The following OSBPL8 variants were observed in gnomAD, a reference collection of about 807,000 sequenced individuals.
OSBPL8 encodes oxysterol-binding protein-related protein 8.
In OSBPL8, 59 loss-of-function variants were observed where a neutral mutation model predicts 125.5. The observed-to-expected ratio is 0.47, with a 90% CI of 0.38 to 0.58. OSBPL8 has a LOEUF of 0.58. Among genes scored for constraint, OSBPL8 ranks in the 20% least tolerant of loss-of-function variants. The pLI is 0.00. For synonymous variants in OSBPL8, 330 were observed against 338.9 expected (o/e 0.97, Z 0.29); for missense variants, 758 against 1,047.8 (o/e 0.72, Z 3.82).
At chr12:76,506,261 C>G (rs923264835) in intron 1 of OSBPL8, among the ~76,000 whole-genome samples, 1 of 152,128 alleles carries the variant, frequency 6.6e-6, no homozygotes, top group African/African-American at 2.4e-5. Flanking sequence ...ATCAGGAGCT[C>G]CTTTTGGACT....
rs35319213 is a variant in OSBPL8, at chr12:76,418,010, C to CTTTTT, written c.218-7381_218-7377dup. ...CAGAAAATTATATGATTTTCACTACCTTTTTTTTTTTTTTTTTTTTTTGAG... is the reference window on the plus strand; with the variant it reads ...CAGAAAATTATATGATTTTCACTACCTTTTTTTTTTTTTTTTTTTTTTTTTTTGAG... On this transcript the variant is annotated intron_variant, in intron 4 of 23. Transcript: ENST00000261183. 3.3e-3 allele frequency among the ~76,000 whole-genome samples: 366 copies of CTTTTT among 111,552 alleles called. 1 individual carries two copies. Among genetic ancestry groups the CTTTTT allele is most frequent in the Middle Eastern group, 6.3e-3 (1 of 158 alleles). The allele number at this position is 111,552 out of a possible 152,430, so 73.2% of individuals were successfully genotyped here. A position where few individuals can be genotyped will look rare whatever the true frequency, so the allele number is the denominator to read the frequency against.
chr12:76,453,816 C>T (rs1232877783), intron 3 of OSBPL8, among the ~76,000 whole-genome samples: 1 of 151,610 alleles, frequency 6.6e-6, no homozygotes, highest in Non-Finnish European at 1.5e-5. Flanking sequence ...AAGGTTGGTA[C>T]CTAGAATGTT....
intron 21 of OSBPL8, among the ~76,000 whole-genome samples, chr12:76,359,157 G>A (rs2136131022): frequency 6.6e-6 from 1 of 152,150 alleles, no homozygotes; most frequent in Non-Finnish European, 1.5e-5. Context: ...ACCTCTGACT[G>A]CACCAGCTAT....
chr12:76,379,872 C>T (rs1035880451), intron 15 of OSBPL8, among the ~76,000 whole-genome samples: 26 of 152,082 alleles, frequency 1.7e-4, no homozygotes, highest in African/African-American at 6.0e-4. Flanking sequence ...TGGGCAAATA[C>T]CTAGGAGTGG....
chr12:76,421,553 AT>A, intron 4 of OSBPL8, among the ~76,000 whole-genome samples: 1 of 152,112 alleles, frequency 6.6e-6, no homozygotes, highest in Non-Finnish European at 1.5e-5. Context: ...ACTTATCAAC[AT>A]GAATATTCAG....
Position 76,439,224 on chromosome 12 carries a change from C to A in OSBPL8, c.217+11627G>T, listed in dbSNP as rs775605259. On this transcript the variant is annotated intron_variant, in intron 4 of 23. Coordinates refer to ENST00000261183, the MANE Select transcript of OSBPL8 (RefSeq NM_020841.5). The stretch of plus-strand genomic sequence containing the variant: ...TGAAACCCCATCTTTACTAAAAATA[C>A]AAAAATTAGCTGGGCATGGTGGCGC... Among the ~76,000 whole-genome samples, 630 of 152,078 alleles carry A rather than the reference C, an allele frequency of 4.1e-3. 2 individuals are homozygous for A. Among genetic ancestry groups the A allele is most frequent in the Middle Eastern group, 0.034 (10 of 294 alleles).
At chr12:76,402,806 A>AT in intron 5 of OSBPL8, 40 bp from the exon 6 acceptor site, 1 of 1,297,986 alleles carries the variant, frequency 7.7e-7, no homozygotes, top group Non-Finnish European at 1.1e-6. Context: ...AATCCTTCAG[A>AT]TTTTCTACAC....
chr12:76,366,571 C>A (rs758124038), intron 21 of OSBPL8: 3 of 447,908 alleles, frequency 6.7e-6, no homozygotes, highest in East Asian at 7.0e-5. Flanking sequence ...TTATTTTCTT[C>A]TTCTGCTAGC....
At chr12:76,498,373 T>C (rs1280933312) in intron 1 of OSBPL8, among the ~76,000 whole-genome samples, 1 of 152,214 alleles carries the variant, frequency 6.6e-6, no homozygotes, top group Non-Finnish European at 1.5e-5. Context: ...CTTGAAACTA[T>C]GGATGCAACA....
intron 1 of OSBPL8, among the ~76,000 whole-genome samples, chr12:76,505,436 AC>A (rs1880313235): frequency 6.6e-6 from 1 of 152,132 alleles, no homozygotes; most frequent in African/African-American, 2.4e-5. Flanking sequence ...TGCTTGAAGT[AC>A]CTGTAGTAAT....
At chr12:76,454,934 G>A (rs931367126) in intron 3 of OSBPL8, among the ~76,000 whole-genome samples, 2 of 152,042 alleles carry the variant, frequency 1.3e-5, no homozygotes, top group Non-Finnish European at 2.9e-5. Flanking sequence ...GGCAGGCTCA[G>A]GGATAAAAAA....
chr12:76,453,193 C>T lies in OSBPL8; in HGVS notation c.80-2205G>A, dbSNP rs75237434. On this transcript the variant is annotated intron_variant, in intron 3 of 23. Coordinates refer to ENST00000261183, the MANE Select transcript of OSBPL8 (RefSeq NM_020841.5). ...TTATTTTCCCATAAATTCTCAGGTC[C>T]TGGTAAACTTCCTGCCCTATTGAAG... is the stretch of plus-strand genomic sequence containing the variant. 2.6e-3 allele frequency among the ~76,000 whole-genome samples: 397 copies of T among 152,208 alleles called. 2 individuals carry two copies. The highest frequency in any genetic ancestry group is 9.1e-3 in the African/African-American group (377 of 41,536).
chr12:76,402,669 A>G lies in OSBPL8; in HGVS notation c.366+20T>C. ...CAAAGCACAATGTAAATTACCTTTCAGAAACAACTGGAAACTAACCTTAAG... is the reference window on the plus strand; with the variant it reads ...CAAAGCACAATGTAAATTACCTTTCGGAAACAACTGGAAACTAACCTTAAG... On this transcript the variant is annotated intron_variant, in intron 6 of 23. Coordinates refer to ENST00000261183, the MANE Select transcript of OSBPL8 (RefSeq NM_020841.5). The G allele has an allele frequency of 6.4e-7, 1 of 1,551,896 alleles. No individual in the cohort carries two copies. The highest frequency in any genetic ancestry group is 8.9e-7 in the Non-Finnish European group (1 of 1,125,146).
In OSBPL8 at chr12:76,415,307, G is replaced by C. The variant is rs191629033; in HGVS notation, c.218-4673C>G. 2.1e-3 allele frequency among the ~76,000 whole-genome samples: 316 copies of C among 151,452 alleles called. 2 individuals carry two copies. Among genetic ancestry groups the C allele is most frequent in the African/African-American group, 7.2e-3 (299 of 41,250 alleles). On this transcript the variant is annotated intron_variant, in intron 4 of 23. Coordinates refer to ENST00000261183, the MANE Select transcript of OSBPL8 (RefSeq NM_020841.5). ...TCACCCAGGCTGCTGGAGTGCAGTGGCACGATCTCGGCTCACTGCAACCTC... is the reference window on the plus strand; with the variant it reads ...TCACCCAGGCTGCTGGAGTGCAGTGCCACGATCTCGGCTCACTGCAACCTC...
intron 21 of OSBPL8, among the ~76,000 whole-genome samples, chr12:76,364,346 T>C (rs1234345985): frequency 1.3e-5 from 2 of 152,200 alleles, no homozygotes; most frequent in African/African-American, 4.8e-5. Context: ...TAATGTCCTT[T>C]GCAGGGACAT....
At chr12:76,454,534 A>T (rs1234546448) in intron 3 of OSBPL8, among the ~76,000 whole-genome samples, 1 of 152,002 alleles carries the variant, frequency 6.6e-6, no homozygotes, top group Non-Finnish European at 1.5e-5. Flanking sequence ...AAAGAAATAA[A>T]AATTAAAAAA....
intron 12 of OSBPL8, among the ~76,000 whole-genome samples, chr12:76,388,197 C>T (rs569551792): frequency 1.8e-4 from 27 of 152,298 alleles, no homozygotes; most frequent in Admixed American, 4.6e-4. Context: ...TTTATTATTA[C>T]AAACCCTGCT....
chr12:76,402,026 C>A (rs545180444), intron 6 of OSBPL8, among the ~76,000 whole-genome samples: 1 of 152,158 alleles, frequency 6.6e-6, no homozygotes, highest in South Asian at 2.1e-4. Context: ...AGACATAATA[C>A]AATTTTAATA....
intron 6 of OSBPL8, among the ~76,000 whole-genome samples, chr12:76,402,050 A>AGG (rs1393528662): frequency 6.6e-6 from 1 of 152,224 alleles, no homozygotes; most frequent in Admixed American, 6.5e-5. Flanking sequence ...CTATACCCTC[A>AGG]AAACTTTAGA....
Sources: gnomAD v4.1 joint callset for allele counts (sites outside exome capture counted in the v4.1 genomes callset) on GRCh38, gnomAD v4.1.1 for gene constraint, MANE v1.5 for transcripts, NCBI Gene and HGNC (gene_info 2026-07-23, HGNC 2026-07-21) for gene names.